TNFAIP8: variants seen among roughly 807,000 people sequenced by gnomAD.
The protein encoded by TNFAIP8 is tumor necrosis factor alpha-induced protein 8.
A neutral mutation model predicts 13.3 loss-of-function variants in TNFAIP8; 7 were observed. That is an observed-to-expected ratio of 0.52 (90% CI 0.30 to 0.99). TNFAIP8 has a LOEUF of 0.99. Among genes scored for constraint, TNFAIP8 ranks in the 50% least tolerant of loss-of-function variants. The pLI is 0.07. For synonymous variants in TNFAIP8, 94 were observed against 87.6 expected, an observed-to-expected ratio of 1.07 and a Z score of -0.41; for missense variants, 258 against 236.9, an observed-to-expected ratio of 1.09 and a Z score of -0.58.
chr5:119,383,228 G>C (rs910941305), intron 1 of TNFAIP8, among the ~76,000 whole-genome samples: 3 of 152,090 alleles, frequency 2.0e-5, no homozygotes, highest in Non-Finnish European at 2.9e-5. Flanking sequence ...TGAATATTTA[G>C]GTAAATCCTT....
intron 1 of TNFAIP8, among the ~76,000 whole-genome samples, chr5:119,287,280 G>GTTTTTTTTTTTTT (rs58452491): frequency 4.6e-5 from 5 of 109,234 alleles, no homozygotes; most frequent in Non-Finnish European, 7.0e-5. Context: ...CAGTAACCAA[G>GTTTTTTTTTTTTT]TTTTTTTTTT....
At chr5:119,289,727 C>T (rs933049980) in intron 1 of TNFAIP8, among the ~76,000 whole-genome samples, 1 of 152,154 alleles carries the variant, frequency 6.6e-6, no homozygotes, top group African/African-American at 2.4e-5. Context: ...ACCTCTGACA[C>T]TTTGAAGCTG....
chr5:119,293,862 G>C (rs1212587818), intron 1 of TNFAIP8, among the ~76,000 whole-genome samples: 4 of 152,068 alleles, frequency 2.6e-5, no homozygotes, highest in Admixed American at 2.0e-4. Flanking sequence ...ATAATAAAAA[G>C]TTTTTAAAAG....
intron 1 of TNFAIP8, among the ~76,000 whole-genome samples, chr5:119,273,813 C>T (rs902779188): frequency 6.6e-6 from 1 of 152,074 alleles, no homozygotes; most frequent in African/African-American, 2.4e-5. Flanking sequence ...GGATTAGGCA[C>T]CGGGGCAAGG....
At chr5:119,367,245 T>G (rs1222909095) in intron 1 of TNFAIP8, among the ~76,000 whole-genome samples, 1 of 152,042 alleles carries the variant, frequency 6.6e-6, no homozygotes, top group African/African-American at 2.4e-5. Context: ...AGATAACCCT[T>G]CCTTTAAAAA....
intron 1 of TNFAIP8, among the ~76,000 whole-genome samples, chr5:119,375,146 A>T (rs1440639323): frequency 6.6e-6 from 1 of 152,176 alleles, no homozygotes; most frequent in East Asian, 1.9e-4. Context: ...CAAATGGAGG[A>T]ATTGCTATTT....
intron 1 of TNFAIP8, among the ~76,000 whole-genome samples, chr5:119,305,117 A>G (rs1270538211): frequency 2.6e-5 from 4 of 152,162 alleles, no homozygotes; most frequent in African/African-American, 9.7e-5. Flanking sequence ...ACTCCCAGTT[A>G]TAAGATCACT....
upstream of TNFAIP8, chr5:119,355,886 GAC>G (rs1329333011): frequency 1.7e-6 from 2 of 1,200,852 alleles, no homozygotes; most frequent in East Asian, 8.8e-5. Flanking sequence ...CCGCCCAGCT[GAC>G]ACGCGATTCG....
At chr5:119,349,968 T>C (rs910749762) in intron 1 of TNFAIP8, among the ~76,000 whole-genome samples, 2 of 152,244 alleles carry the variant, frequency 1.3e-5, no homozygotes, top group African/African-American at 2.4e-5. Flanking sequence ...ATTGCATTCA[T>C]TGTGGTCTAA....
At position 119,393,331 on chromosome 5, in the gene TNFAIP8, C is replaced by A. The variant is rs755234272; in HGVS notation, c.547C>A (p.Gln183Lys). 10 of 1,613,778 alleles carry A rather than the reference C, an allele frequency of 6.2e-6. No individual in the cohort carries two copies. In the Admixed American group the frequency reaches 1.2e-4, roughly 19 times the overall value. The change falls in exon 2 of 2, where the codon CAA becomes AAA. Residue 183 changes from glutamine to lysine, a missense_variant. Gln to Lys is a moderately conservative substitution (Grantham distance 53). Coordinates refer to ENST00000504771, the MANE Select transcript of TNFAIP8 (RefSeq NM_014350.4). ...NPFGNFKPHL[Q>K]KLCDGINKML... ...TTTTGGGAATTTTAAACCCCACTTA[C>A]AAAAACTATGTGATGGTATCAACAA...
chr5:119,370,093 C>CT (rs891683638), intron 1 of TNFAIP8, among the ~76,000 whole-genome samples: 16 of 151,924 alleles, frequency 1.1e-4, no homozygotes, highest in Admixed American at 3.3e-4. Flanking sequence ...GCCTGCTTTT[C>CT]TTTTTTTTAT....
At position 119,324,578 on chromosome 5, in the gene TNFAIP8, C is replaced by T. The variant is rs1021699181; in HGVS notation, c.1+55671C>T. Among the ~76,000 whole-genome samples, 5 of 152,150 alleles carry T rather than the reference C, an allele frequency of 3.3e-5. No homozygotes were observed. In the East Asian group the frequency reaches 7.7e-4, roughly 24 times the overall value. On this transcript the variant is annotated intron_variant, in intron 1 of 1. Coordinates refer to the TNFAIP8 transcript ENST00000274456. ...TGAAAAGACAGAAGATTGCCCCAGC[C>T]GCCTCCTGATTGGCAGCCTCTATTT...
chr5:119,351,332 C>G (rs184722554), upstream of TNFAIP8, among the ~76,000 whole-genome samples: 771 of 152,184 alleles, frequency 5.1e-3, 3 homozygotes, highest in Non-Finnish European at 7.8e-3. Context: ...CAGCCTTACT[C>G]TATTTGTATT....
Position 119,393,347 on chromosome 5 carries a change from G to T in TNFAIP8, c.563G>T (p.Gly188Val), listed in dbSNP as rs748232459. Residue 188 changes from glycine (G) to valine (V), a missense_variant, in exon 2 of 2, where the codon GGT becomes GTT. Gly to Val is a moderately radical substitution (Grantham distance 109). Coordinates refer to ENST00000504771, the MANE Select transcript of TNFAIP8 (RefSeq NM_014350.4). Reference protein sequence around the residue: ...FKPHLQKLCDGINKMLDEENI With the variant: ...FKPHLQKLCDVINKMLDEENI Reference sequence around the variant, plus strand: ...CCCCACTTACAAAAACTATGTGATGGTATCAACAAAATGTTGGATGAAGAG... The same window carrying T: ...CCCCACTTACAAAAACTATGTGATGTTATCAACAAAATGTTGGATGAAGAG... The T allele has an allele frequency of 2.6e-5, 42 of 1,613,600 alleles. No homozygotes were observed. The highest frequency in any genetic ancestry group is 3.3e-4 in the Middle Eastern group (2 of 6,084).
chr5:119,301,018 A>G (rs1047568643), intron 1 of TNFAIP8, among the ~76,000 whole-genome samples: 2 of 152,180 alleles, frequency 1.3e-5, no homozygotes. Flanking sequence ...AAGGTAGTGG[A>G]AACAGTTGTT....
intron 1 of TNFAIP8, among the ~76,000 whole-genome samples, chr5:119,280,889 A>G (rs773247673): frequency 1.5e-4 from 22 of 151,468 alleles, no homozygotes; most frequent in Non-Finnish European, 2.6e-4. Context: ...TGTCATTCTC[A>G]GAAGATCACT....
chr5:119,364,613 G>A (rs1751761502), intron 1 of TNFAIP8, among the ~76,000 whole-genome samples: 2 of 152,128 alleles, frequency 1.3e-5, no homozygotes, highest in Non-Finnish European at 2.9e-5. Context: ...CTACCAAAGT[G>A]CTAGAATCAC....
intron 1 of TNFAIP8, among the ~76,000 whole-genome samples, chr5:119,308,892 A>C (rs368245817): frequency 6.6e-6 from 1 of 150,626 alleles, no homozygotes; most frequent in East Asian, 1.9e-4. Context: ...CTGATATTGC[A>C]CTGGAAGAGC....
upstream of TNFAIP8, chr5:119,355,607 TAC>T: frequency 5.3e-6 from 3 of 561,642 alleles, no homozygotes; most frequent in Non-Finnish European, 6.3e-6. Flanking sequence ...AATCCAAAAA[TAC>T]AGAGGCATTG....
Sources: gnomAD v4.1 joint callset for allele counts (sites outside exome capture counted in the v4.1 genomes callset) on GRCh38, gnomAD v4.1.1 for gene constraint, MANE v1.5 for transcripts, NCBI Gene and HGNC (gene_info 2026-07-23, HGNC 2026-07-21) for gene names.